CCDC148: variants seen among roughly 807,000 people sequenced by gnomAD.
CCDC148 encodes the protein coiled-coil domain-containing protein 148.
Under a neutral mutation model 85.7 loss-of-function variants are expected in CCDC148, and 89 were observed. The observed-to-expected ratio is 1.04, with a 90% CI of 0.87 to 1.24. The LOEUF (loss-of-function observed/expected upper bound fraction) is 1.24. CCDC148 is among the 50% of genes most tolerant of loss of function. The pLI is 0.00. For synonymous variants in CCDC148, 230 were observed against 213.9 expected (o/e 1.08, Z -0.66); for missense variants, 692 against 671.7 (o/e 1.03, Z -0.33).
intron 7 of CCDC148, among the ~76,000 whole-genome samples, chr2:158,323,004 C>G (rs1692590313): frequency 6.6e-6 from 1 of 151,974 alleles, no homozygotes; most frequent in Non-Finnish European, 1.5e-5. Flanking sequence ...TTAATTCATC[C>G]AAATGTTAGG....
intron 9 of CCDC148, among the ~76,000 whole-genome samples, chr2:158,295,508 T>C (rs1190225238): frequency 6.7e-6 from 1 of 148,612 alleles, no homozygotes; most frequent in Non-Finnish European, 1.5e-5. Flanking sequence ...CAGCAGCACA[T>C]CAAAAAGCTT....
At chr2:158,393,210 A>G (rs1685387809) in intron 1 of CCDC148, 1 of 152,140 alleles carries the variant, frequency 6.6e-6, no homozygotes, top group South Asian at 2.1e-4. Context: ...GTATACATGA[A>G]ACATTAGAAA....
rs117618320 is a variant in CCDC148, at chr2:158,216,610, T to C, written c.1370+3985A>G. On this transcript the variant is annotated intron_variant, in intron 11 of 13. Transcript: ENST00000283233. ...ATATAATACCATTGTATTAGTTAGC[T>C]TGGGCCATCATGACAAAATATTATA... Among the ~76,000 whole-genome samples the C allele has an allele frequency of 5.9e-5, 9 of 152,122 alleles. No individual in the cohort carries two copies. The East Asian group carries it at 1.7e-3, about 29-fold the overall frequency.
At chr2:158,255,766 G>A (rs1002746264) in intron 9 of CCDC148, among the ~76,000 whole-genome samples, 3 of 151,648 alleles carry the variant, frequency 2.0e-5, no homozygotes, top group African/African-American at 4.8e-5. Context: ...AATCACAAAA[G>A]AACATTACCA....
At chr2:158,396,074 T>C (rs752659555) in intron 1 of CCDC148, among the ~76,000 whole-genome samples, 17 of 152,228 alleles carry the variant, frequency 1.1e-4, no homozygotes, top group South Asian at 2.1e-4. Context: ...TCATCACTCA[T>C]TGACATGGTT....
intron 11 of CCDC148, among the ~76,000 whole-genome samples, chr2:158,186,378 G>A (rs1685155915): frequency 6.6e-6 from 1 of 151,984 alleles, no homozygotes; most frequent in African/African-American, 2.4e-5. Flanking sequence ...TCCAGGTCTG[G>A]GGTCATGGCA....
chr2:158,347,914 A>G (rs921955308), intron 2 of CCDC148, among the ~76,000 whole-genome samples: 5 of 152,088 alleles, frequency 3.3e-5, no homozygotes, highest in African/African-American at 1.2e-4. Context: ...AAAAAGAAAA[A>G]ACAACTACAG....
chr2:158,177,354 T>C (rs747685995), intron 12 of CCDC148, among the ~76,000 whole-genome samples: 2 of 152,140 alleles, frequency 1.3e-5, no homozygotes, highest in Admixed American at 6.6e-5. Flanking sequence ...TGCCTATTAA[T>C]TCTGAAAGTC....
rs903562319 is a variant in CCDC148, at chr2:158,191,468, AAC to A, written c.1371-12474_1371-12473del. Among the ~76,000 whole-genome samples the A allele has an allele frequency of 1.7e-4, 26 of 152,166 alleles. 1 individual carries two copies. Among genetic ancestry groups the A allele is most frequent in the African/African-American group, 5.8e-4 (24 of 41,552 alleles). ...TTAAAAAAGAAAGTCAGTGGAGCAG[AAC>A]AGTTATTTTCACAAACGCCTTCGGG... On this transcript the variant is annotated intron_variant, in intron 11 of 13. Transcript: ENST00000283233.
At chr2:158,356,544 A>G (rs1683647387) in intron 2 of CCDC148, among the ~76,000 whole-genome samples, 1 of 151,912 alleles carries the variant, frequency 6.6e-6, no homozygotes, top group Non-Finnish European at 1.5e-5. Context: ...CCATCTCACA[A>G]CAGTTAGAAT....
At chr2:158,179,623 C>G (rs1315414142) in intron 11 of CCDC148, among the ~76,000 whole-genome samples, 1 of 151,916 alleles carries the variant, frequency 6.6e-6, no homozygotes, top group African/African-American at 2.4e-5. Context: ...AGTGGTCTCC[C>G]AATGAGAAGC....
At chr2:158,244,129 T>G (rs4664941) in intron 10 of CCDC148, among the ~76,000 whole-genome samples, 58,469 of 151,990 alleles carry the variant, frequency 0.38, 11,700 homozygotes, top group South Asian at 0.6. Context: ...CTAGCATTTT[T>G]CTATCATCCT....
In CCDC148 at chr2:158,280,267, C is replaced by T. The variant is rs1005659149; in HGVS notation, c.1110+29166G>A. On this transcript the variant is annotated intron_variant, in intron 9 of 13. Transcript: ENST00000283233. ...CATCATAATCACAGGTTCAAATTCA[C>T]ACATAACAATATTAGCTTTAAATGT... Among the ~76,000 whole-genome samples, 9 of 152,260 alleles carry T rather than the reference C, an allele frequency of 5.9e-5. No homozygotes were observed. In the South Asian group the frequency reaches 1.7e-3, roughly 28 times the overall value.
chr2:158,430,703 T>G (rs1247520675), intron 1 of CCDC148, among the ~76,000 whole-genome samples: 1 of 152,152 alleles, frequency 6.6e-6, no homozygotes, highest in Non-Finnish European at 1.5e-5. Flanking sequence ...TGTATCAAAT[T>G]ATCACATGTA....
intron 10 of CCDC148, among the ~76,000 whole-genome samples, chr2:158,240,113 AG>A (rs1263638982): frequency 3.3e-5 from 5 of 151,944 alleles, no homozygotes; most frequent in African/African-American, 1.2e-4. Context: ...TTTTGCAGTG[AG>A]GATGCTTGCT....
At chr2:158,351,531 G>C (rs767106417) in intron 2 of CCDC148, among the ~76,000 whole-genome samples, 5 of 152,104 alleles carry the variant, frequency 3.3e-5, no homozygotes, top group Non-Finnish European at 5.9e-5. Context: ...CTTAAAAACC[G>C]GCGCATCACG....
In CCDC148 at chr2:158,252,766, A is replaced by C. The variant is rs367864872; in HGVS notation, c.1111-1854T>G. Among the ~76,000 whole-genome samples, 28 of 151,872 alleles carry C rather than the reference A, an allele frequency of 1.8e-4. 1 individual carries two copies. Among genetic ancestry groups the C allele is most frequent in the South Asian group, 1.7e-3 (8 of 4,828 alleles). On this transcript the variant is annotated intron_variant, in intron 9 of 13. Transcript: ENST00000283233. ...TCTATGTTCATTATTTGATGTGCTT[A>C]TCCCCTTCTAGGAGTTCATTCTATG...
intron 1 of CCDC148, among the ~76,000 whole-genome samples, chr2:158,361,749 C>T (rs776144729): frequency 6.6e-6 from 1 of 151,808 alleles, no homozygotes; most frequent in Non-Finnish European, 1.5e-5. Flanking sequence ...ATCAGCACTA[C>T]GAAGAAACAA....
At chr2:158,218,376 G>A (rs180872276) in intron 11 of CCDC148, among the ~76,000 whole-genome samples, 75 of 152,244 alleles carry the variant, frequency 4.9e-4, no homozygotes, top group African/African-American at 1.8e-3. Flanking sequence ...CTGGCTCCTC[G>A]TCTTTAGTAC....
Sources: allele counts gnomAD v4.1 joint callset (sites outside exome capture counted in the v4.1 genomes callset), GRCh38; gene constraint gnomAD v4.1.1; transcripts MANE v1.5; gene names NCBI Gene and HGNC (gene_info 2026-07-23, HGNC 2026-07-21).